DENND6A: variants seen among roughly 807,000 people sequenced by gnomAD.
DENND6A encodes the protein protein DENND6A.
DENND6A carries 43 observed loss-of-function variants against 95.5 expected under a neutral mutation model. The ratio of observed to expected loss-of-function variants is 0.45; its 90% CI spans 0.35 to 0.58. The LOEUF (loss-of-function observed/expected upper bound fraction) is 0.58. DENND6A is among the 20% of genes least tolerant of loss of function. The pLI, the probability that DENND6A is intolerant of heterozygous loss-of-function variation, is 0.00. For missense variants in DENND6A, 574 were observed against 736.0 expected (o/e 0.78, Z 2.55); for synonymous variants, 257 against 260.4 (o/e 0.99, Z 0.13).
chr3:57,688,688 A>G (rs925091915), intron 1 of DENND6A, among the ~76,000 whole-genome samples: 11 of 151,846 alleles, frequency 7.2e-5, no homozygotes, highest in African/African-American at 2.7e-4. Context: ...AAAGACAAAA[A>G]AAAACACACA....
chr3:57,645,844 A>G, intron 10 of DENND6A, 88 bp from the exon 11 acceptor site: 1 of 879,430 alleles, frequency 1.1e-6, no homozygotes, highest in Non-Finnish European at 1.8e-6. Flanking sequence ...CAAACGGTAT[A>G]CACACAAAGG....
intron 11 of DENND6A, among the ~76,000 whole-genome samples, chr3:57,644,608 G>A (rs971707274): frequency 2.0e-5 from 3 of 147,212 alleles, no homozygotes; most frequent in African/African-American, 5.0e-5. Context: ...ACGACTGGCT[G>A]GTGATTAAAA....
intron 9 of DENND6A, among the ~76,000 whole-genome samples, chr3:57,652,317 A>T (rs1278971462): frequency 1.3e-5 from 2 of 152,184 alleles, no homozygotes; most frequent in Non-Finnish European, 2.9e-5. Context: ...AGAAGTCCAT[A>T]AGGCTAGGGC....
chr3:57,625,827 TATC>T lies in DENND6A; in HGVS notation c.*2384_*2386del, dbSNP rs1229700293. On this transcript the variant is annotated 3_prime_UTR_variant, in exon 20 of 20. Transcript: ENST00000311128. The stretch of plus-strand genomic sequence containing the variant: ...AATACAGTAAAAATGAAGACACCAT[TATC>T]ATGCTAATTGGCATCTTTTGCTACT... 6.6e-6 allele frequency: 1 copy of T among 152,574 alleles called. No individual in the cohort carries two copies. Among genetic ancestry groups the T allele is most frequent in the Non-Finnish European group, 1.5e-5 (1 of 68,032 alleles). 9.5% of individuals were successfully genotyped at this position (152,574 alleles called of 1,614,324 possible).
At chr3:57,679,348 C>T (rs1396601457) in intron 1 of DENND6A, 6 of 260,728 alleles carry the variant, frequency 2.3e-5, no homozygotes, top group Non-Finnish European at 3.6e-5. Flanking sequence ...TAGCATTTTG[C>T]CTTCTTTCTT....
chr3:57,636,446 G>A (rs999301884), intron 12 of DENND6A, among the ~76,000 whole-genome samples: 1 of 152,110 alleles, frequency 6.6e-6, no homozygotes, highest in Non-Finnish European at 1.5e-5. Context: ...GAACAAAACA[G>A]CTAATTACCC....
At chr3:57,645,217 C>T (rs1401703984) in intron 11 of DENND6A, among the ~76,000 whole-genome samples, 1 of 152,012 alleles carries the variant, frequency 6.6e-6, no homozygotes, top group Non-Finnish European at 1.5e-5. Flanking sequence ...AATCCCAGCA[C>T]TTTGTGAGGC....
At chr3:57,635,891 T>C (rs1165014140) in intron 12 of DENND6A, among the ~76,000 whole-genome samples, 1 of 152,166 alleles carries the variant, frequency 6.6e-6, no homozygotes, top group Non-Finnish European at 1.5e-5. Context: ...CCTCTTCCTC[T>C]TCAACCTACT....
In DENND6A at chr3:57,628,847, T is replaced by G; in HGVS notation, c.1659A>C (p.Glu553Asp). Residue 553 changes from glutamate (E) to aspartate (D), a missense_variant, in exon 19 of 20, where the codon GAA (glutamate) becomes GAC (aspartate). Coordinates refer to ENST00000311128, the MANE Select transcript of DENND6A (RefSeq NM_152678.3). Reference sequence around the variant, plus strand: ...TCAGCTTCAAGACAAGGTCTACTGTTTCTACTTCTGTGTGTTTCTGGATCC... The same window carrying G: ...TCAGCTTCAAGACAAGGTCTACTGTGTCTACTTCTGTGTGTTTCTGGATCC... ...LLWIQKHTEVETVDLVLKLKN... is the reference protein window; with the variant it reads ...LLWIQKHTEVDTVDLVLKLKN... The G allele has an allele frequency of 1.9e-6, 3 of 1,613,062 alleles. No individual in the cohort carries two copies. Among genetic ancestry groups the G allele is most frequent in the Non-Finnish European group, 2.5e-6 (3 of 1,179,764 alleles).
intron 4 of DENND6A, among the ~76,000 whole-genome samples, chr3:57,664,675 A>C (rs1313058843): frequency 1.3e-5 from 2 of 152,136 alleles, no homozygotes; most frequent in Non-Finnish European, 2.9e-5. Context: ...TCTACTAAAA[A>C]TACAAAAATT....
rs368401950 is a variant in DENND6A, at chr3:57,683,921, G to A, written c.237+8861C>T. Among the ~76,000 whole-genome samples, 240 of 152,064 alleles carry A rather than the reference G, an allele frequency of 1.6e-3. 1 individual carries two copies. Among genetic ancestry groups the A allele is most frequent in the Non-Finnish European group, 1.6e-3 (106 of 67,978 alleles). On this transcript the variant is annotated intron_variant, in intron 1 of 19. Coordinates refer to ENST00000311128, the MANE Select transcript of DENND6A (RefSeq NM_152678.3). ...TGTAATTTCAGCACTTTGGGAGGCC[G>A]CAGCGGGTGGATCACAAGGTCAGGA...
At chr3:57,655,628 T>A (rs1242995323) in intron 9 of DENND6A, among the ~76,000 whole-genome samples, 1 of 152,186 alleles carries the variant, frequency 6.6e-6, no homozygotes, top group Non-Finnish European at 1.5e-5. Flanking sequence ...TTAAAAATAT[T>A]TTTTTAAATT....
At chr3:57,630,399 C>T in intron 18 of DENND6A, 22 bp downstream of exon 18, 1 of 1,558,004 alleles carries the variant, frequency 6.4e-7, no homozygotes. Context: ...TTAATCATTA[C>T]ACAAACACAC....
chr3:57,660,917 A>G, intron 6 of DENND6A, 78 bp from the exon 7 acceptor site: 2 of 1,296,474 alleles, frequency 1.5e-6, no homozygotes, highest in Admixed American at 2.8e-5. Flanking sequence ...AGAAATAAGA[A>G]CACTACTTTC....
intron 1 of DENND6A, among the ~76,000 whole-genome samples, chr3:57,690,828 G>A (rs1559836454): frequency 6.6e-6 from 1 of 152,068 alleles, no homozygotes; most frequent in African/African-American, 2.4e-5. Context: ...AGCCCTACTA[G>A]GTTTATGTCT....
chr3:57,687,843 G>A (rs1298480096), intron 1 of DENND6A, among the ~76,000 whole-genome samples: 2 of 151,468 alleles, frequency 1.3e-5, no homozygotes, highest in Non-Finnish European at 2.9e-5. Flanking sequence ...TGAGACAGAA[G>A]GATCACCTGA....
chr3:57,675,207 G>C (rs2153416655), intron 1 of DENND6A, among the ~76,000 whole-genome samples: 1 of 152,296 alleles, frequency 6.6e-6, no homozygotes, highest in African/African-American at 2.4e-5. Context: ...AAGGGGGAAA[G>C]CTGGGAGCAT....
rs558152342 is a variant in DENND6A at position 57,634,198 on chromosome 3, C to T, written c.1263+360G>A. On this transcript the variant is annotated intron_variant, in intron 14 of 19. Transcript: ENST00000311128. ...CTGTAATCCCAGGACTTTGGGAGAC[C>T]GAGGTGGGCGTATCACTTAAGGCCA... Among the ~76,000 whole-genome samples, 4 of 151,882 alleles carry T rather than the reference C, an allele frequency of 2.6e-5. No individual in the cohort carries two copies. The East Asian group carries it at 7.8e-4, about 30-fold the overall frequency.
intron 7 of DENND6A, among the ~76,000 whole-genome samples, chr3:57,660,322 A>C (rs2071399013): frequency 6.6e-6 from 1 of 151,866 alleles, no homozygotes; most frequent in Non-Finnish European, 1.5e-5. Context: ...CTAGGACTAC[A>C]GGTGTGCACC....
Sources: gnomAD v4.1 joint callset for allele counts (sites outside exome capture counted in the v4.1 genomes callset) on GRCh38, gnomAD v4.1.1 for gene constraint, MANE v1.5 for transcripts, NCBI Gene and HGNC (gene_info 2026-07-23, HGNC 2026-07-21) for gene names.